Variants in APBA2 observed in about 807,000 individuals in gnomAD.
The protein encoded by APBA2 is amyloid-beta A4 precursor protein-binding family A member 2.
APBA2 carries 30 observed loss-of-function variants against 75.0 expected under a neutral mutation model. The observed-to-expected ratio is 0.40, with a 90% CI of 0.30 to 0.54. The LOEUF (loss-of-function observed/expected upper bound fraction) is 0.54. APBA2 is among the 20% of genes least tolerant of loss of function. The pLI, the probability that APBA2 is intolerant of heterozygous loss-of-function variation, is 0.49. For missense variants in APBA2, 801 were observed against 1,016.1 expected, an observed-to-expected ratio of 0.79 and a Z score of 2.88; for synonymous variants, 444 against 409.6, an observed-to-expected ratio of 1.08 and a Z score of -1.01.
intron 2 of APBA2, among the ~76,000 whole-genome samples, chr15:28,927,992 AAAT>A (rs138888764): frequency 0.036 from 5,473 of 151,426 alleles, 243 homozygotes; most frequent in East Asian, 0.2. Context: ...TAAAAATACA[AAAT>A]TAGCCAGGCG....
intron 4 of APBA2, among the ~76,000 whole-genome samples, chr15:29,072,314 A>G (rs2152921730): frequency 6.6e-6 from 1 of 152,250 alleles, no homozygotes; most frequent in South Asian, 2.1e-4. Context: ...GAACTTTCAG[A>G]CAAGTGGGTA....
intron 8 of APBA2, among the ~76,000 whole-genome samples, chr15:29,095,816 C>T (rs74756880): frequency 6.6e-6 from 1 of 152,202 alleles, no homozygotes; most frequent in South Asian, 2.1e-4. Context: ...TCTTCCCGGG[C>T]TGATTTCCTC....
intron 2 of APBA2, among the ~76,000 whole-genome samples, chr15:28,927,230 G>T (rs1010372153): frequency 6.6e-6 from 1 of 151,972 alleles, no homozygotes; most frequent in African/African-American, 2.4e-5. Flanking sequence ...CCCCTCTATA[G>T]ATAAGGTGTT....
chr15:28,915,480 C>G (rs1465923837), intron 1 of APBA2, among the ~76,000 whole-genome samples: 1 of 146,044 alleles, frequency 6.8e-6, no homozygotes, highest in Non-Finnish European at 1.5e-5. Context: ...CATACATACA[C>G]ACCCCATACA....
chr15:28,998,957 G>A (rs1220756274), intron 3 of APBA2, among the ~76,000 whole-genome samples: 2 of 152,154 alleles, frequency 1.3e-5, no homozygotes, highest in East Asian at 3.9e-4. Flanking sequence ...GACGAGCCTG[G>A]CCAACATGGC....
At chr15:29,064,939 T>G (rs1463727015) in intron 4 of APBA2, among the ~76,000 whole-genome samples, 1 of 152,036 alleles carries the variant, frequency 6.6e-6, no homozygotes, top group Non-Finnish European at 1.5e-5. Context: ...GAATGGTAGA[T>G]GGACAGTGTC....
chr15:28,906,039 A>C (rs1820694758), intron 1 of APBA2, among the ~76,000 whole-genome samples: 1 of 151,890 alleles, frequency 6.6e-6, no homozygotes, highest in Admixed American at 6.6e-5. Context: ...CTGTCTGTGG[A>C]AATATTTTAC....
chr15:29,073,463 G>T (rs1466734151), intron 4 of APBA2, among the ~76,000 whole-genome samples: 1 of 152,184 alleles, frequency 6.6e-6, no homozygotes. Context: ...TGATTCTCCT[G>T]CCTCAGCCTC....
In APBA2 at chr15:29,076,041, A is replaced by T; in HGVS notation, c.1033-14A>T. On this transcript the variant is annotated splice_polypyrimidine_tract_variant and intron_variant, in intron 5 of 14. Transcript: ENST00000683413. ...CAATTGTTATGTGTTTTATTTTTCCATATTTCCTAACAGACAAAGAAGGTG... is the reference window on the plus strand; with the variant it reads ...CAATTGTTATGTGTTTTATTTTTCCTTATTTCCTAACAGACAAAGAAGGTG... 1.2e-6 allele frequency: 2 copies of T among 1,613,668 alleles called. No individual in the cohort carries two copies. Among genetic ancestry groups the T allele is most frequent in the Non-Finnish European group, 1.7e-6 (2 of 1,179,624 alleles).
chr15:28,996,044 G>A (rs1207792634), intron 3 of APBA2, among the ~76,000 whole-genome samples: 1 of 151,964 alleles, frequency 6.6e-6, no homozygotes, highest in Admixed American at 6.6e-5. Context: ...GCCCGGAACC[G>A]ACCTGCCCAC....
At chr15:28,906,711 T>C (rs1162411443) in intron 1 of APBA2, among the ~76,000 whole-genome samples, 1 of 152,238 alleles carries the variant, frequency 6.6e-6, no homozygotes, top group African/African-American at 2.4e-5. Flanking sequence ...TATAAAGTGA[T>C]AGCTTATTTC....
intron 1 of APBA2, among the ~76,000 whole-genome samples, chr15:28,908,315 G>GTTTTTTTTTTTTTGTTTTTT (rs2033244455): frequency 7.3e-6 from 1 of 137,596 alleles, no homozygotes; most frequent in African/African-American, 3.0e-5. Context: ...TTGTTTTCTT[G>GTTTTTTTTTTTTTGTTTTTT]TTTTTTTTTT....
chr15:29,075,071 G>A, intron 5 of APBA2, 70 bp downstream of exon 5: 1 of 1,132,574 alleles, frequency 8.8e-7, no homozygotes, highest in Non-Finnish European at 1.3e-6. Flanking sequence ...CCACCGAGTT[G>A]TGGTCTGCTC....
intron 3 of APBA2, among the ~76,000 whole-genome samples, chr15:29,019,694 T>G (rs937790037): frequency 2.0e-5 from 3 of 152,256 alleles, no homozygotes; most frequent in African/African-American, 7.2e-5. Flanking sequence ...TTGCTTTAAC[T>G]GCTGCAGAGG....
At chr15:29,071,158 C>T (rs73370219) in intron 4 of APBA2, 17,583 of 410,094 alleles carry the variant, frequency 0.043, 1,522 homozygotes, top group African/African-American at 0.24. Flanking sequence ...TATTGCTGTA[C>T]TTTCAGTTTC....
chr15:28,993,723 G>T (rs1487096064), intron 2 of APBA2, among the ~76,000 whole-genome samples: 1 of 152,222 alleles, frequency 6.6e-6, no homozygotes, highest in Non-Finnish European at 1.5e-5. Context: ...GATGCACATG[G>T]ATGAGCTCTG....
At chr15:29,031,167 G>C (rs1312610732) in intron 3 of APBA2, among the ~76,000 whole-genome samples, 3 of 152,036 alleles carry the variant, frequency 2.0e-5, no homozygotes, top group African/African-American at 7.2e-5. Flanking sequence ...CATCAGAAGA[G>C]ACTAAGCAAC....
intron 1 of APBA2, among the ~76,000 whole-genome samples, chr15:28,896,121 T>C (rs544362353): frequency 2.3e-4 from 35 of 152,114 alleles, no homozygotes; most frequent in Admixed American, 9.8e-4. Flanking sequence ...AAAAAAAATA[T>C]CTGATTTGAA....
chr15:29,048,664 G>T (rs537264645), intron 3 of APBA2, among the ~76,000 whole-genome samples: 1 of 152,170 alleles, frequency 6.6e-6, no homozygotes, highest in Admixed American at 6.5e-5. Context: ...GGCTGGGCGG[G>T]GTGGCTCACA....
Sources: allele counts gnomAD v4.1 joint callset (sites outside exome capture counted in the v4.1 genomes callset), GRCh38; gene constraint gnomAD v4.1.1; transcripts MANE v1.5; gene names NCBI Gene and HGNC (gene_info 2026-07-23, HGNC 2026-07-21).